Variants in ST6GAL1 observed in about 807,000 individuals in gnomAD.
ST6GAL1 encodes ST6 beta-galactoside alpha-2,6-sialyltransferase 1.
A neutral mutation model predicts 38.0 loss-of-function variants in ST6GAL1; 20 were observed. The ratio of observed to expected loss-of-function variants is 0.53; its 90% CI spans 0.37 to 0.77. The LOEUF is 0.77. Ranked by LOEUF, ST6GAL1 falls within the 30% of genes least tolerant of loss-of-function variation. The pLI, the probability that ST6GAL1 is intolerant of heterozygous loss-of-function variation, is 0.00. For missense variants in ST6GAL1, 432 were observed against 496.4 expected (o/e 0.87, Z 1.23); for synonymous variants, 196 against 188.2 (o/e 1.04, Z -0.34).
At chr3:187,038,627 G>GT (rs1718021252) in intron 2 of ST6GAL1, 115 bp from the exon 3 acceptor site, 1 of 152,202 alleles carries the variant, frequency 6.6e-6, no homozygotes, top group African/African-American at 2.4e-5. Context: ...CCTGGATTGA[G>GT]ACCTAGCCTA....
chr3:187,040,003 T>C (rs552981052), intron 3 of ST6GAL1, among the ~76,000 whole-genome samples: 4 of 152,066 alleles, frequency 2.6e-5, no homozygotes, highest in Admixed American at 1.3e-4. Flanking sequence ...CCTTGGAGAG[T>C]AGGTACTGGG....
intron 1 of ST6GAL1, among the ~76,000 whole-genome samples, chr3:186,957,978 T>G (rs891721313): frequency 6.6e-6 from 1 of 152,106 alleles, no homozygotes; most frequent in African/African-American, 2.4e-5. Flanking sequence ...GGATCTTCCT[T>G]TAAGCACAGA....
At chr3:186,956,646 C>T (rs997717713) in intron 1 of ST6GAL1, among the ~76,000 whole-genome samples, 2 of 152,194 alleles carry the variant, frequency 1.3e-5, no homozygotes, top group Admixed American at 1.3e-4. Flanking sequence ...AGTCTTTCTG[C>T]ATAAACTTAA....
At chr3:187,019,192 A>G (rs554363146) in intron 2 of ST6GAL1, among the ~76,000 whole-genome samples, 1 of 152,342 alleles carries the variant, frequency 6.6e-6, no homozygotes, top group African/African-American at 2.4e-5. Context: ...ATGTGAAAGA[A>G]TTTAGGACCT....
At chr3:186,965,940 G>T (rs548003590) in intron 2 of ST6GAL1, among the ~76,000 whole-genome samples, 1 of 152,038 alleles carries the variant, frequency 6.6e-6, no homozygotes, top group Admixed American at 6.6e-5. Flanking sequence ...GCTCTGTTGC[G>T]CAGGCTGCAG....
intron 2 of ST6GAL1, among the ~76,000 whole-genome samples, chr3:186,966,225 T>G (rs1426026890): frequency 6.6e-6 from 1 of 152,178 alleles, no homozygotes; most frequent in African/African-American, 2.4e-5. Context: ...TCTGAGAATC[T>G]TTAGATCTAT....
chr3:186,990,073 G>A (rs1178957236), intron 2 of ST6GAL1, among the ~76,000 whole-genome samples: 3 of 152,216 alleles, frequency 2.0e-5, no homozygotes, highest in Non-Finnish European at 2.9e-5. Flanking sequence ...TTGCTCTGTC[G>A]CCCTGGCTGG....
intron 4 of ST6GAL1, chr3:187,043,696 TTAAATA>T (rs573836420): frequency 2.3e-3 from 356 of 154,940 alleles, no homozygotes; most frequent in Non-Finnish European, 4.0e-3. Flanking sequence ...TTCATCTGTT[TTAAATA>T]TTGGAATTGT....
At chr3:186,935,519 A>G (rs1713919400) in intron 1 of ST6GAL1, among the ~76,000 whole-genome samples, 1 of 152,214 alleles carries the variant, frequency 6.6e-6, no homozygotes, top group Non-Finnish European at 1.5e-5. Flanking sequence ...GTATTTACTC[A>G]GTAATGGGAT....
Position 187,075,976 on chromosome 3 carries a change from C to A in ST6GAL1, c.*173C>A. 1.0e-6 allele frequency: 1 copy of A among 971,620 alleles called. No homozygotes were observed. The highest frequency in any genetic ancestry group is 1.5e-6 in the Non-Finnish European group (1 of 677,558). The allele number at this position is 971,620 out of a possible 1,614,324, so 60.2% of individuals were successfully genotyped here. A position where few individuals can be genotyped will look rare whatever the true frequency, so the allele number is the denominator to read the frequency against. ...CCTGTGGTCAGGAAATCAGGTCCAG[C>A]CTTCCCTGTAGCCAGACAGTTTATG... On this transcript the variant is annotated 3_prime_UTR_variant, in exon 8 of 8. Transcript: ENST00000169298. The surrounding 1 kb of genome is among the most constrained non-coding windows in gnomAD (Gnocchi z 4.1).
chr3:186,969,570 G>A (rs1330914128), intron 2 of ST6GAL1, among the ~76,000 whole-genome samples: 2 of 152,200 alleles, frequency 1.3e-5, no homozygotes, highest in Non-Finnish European at 1.5e-5. Context: ...ATATTCTACA[G>A]ATAAGTCCTT....
Position 187,074,196 on chromosome 3 carries a change from A to G in ST6GAL1, c.842A>G (p.Tyr281Cys). The change falls in exon 7 of 8, where the codon TAC becomes TGC. Residue 281 changes from tyrosine (Y) to cysteine (C), a missense_variant. Transcript: ENST00000169298. ...QNPDYNFFNN[Y>C]KTYRKLHPNQ... ...CCGGATTATAATTTCTTTAACAACT[A>G]CAAGACTTATCGTAAGCTGCACCCC... The G allele has an allele frequency of 6.2e-7, 1 of 1,612,016 alleles. No individual in the cohort carries two copies. Among genetic ancestry groups the G allele is most frequent in the Non-Finnish European group, 8.5e-7 (1 of 1,179,186 alleles).
At chr3:186,993,909 C>A (rs895295665) in intron 2 of ST6GAL1, among the ~76,000 whole-genome samples, 28 of 152,200 alleles carry the variant, frequency 1.8e-4, no homozygotes, top group African/African-American at 6.7e-4. Flanking sequence ...TGATAATAAT[C>A]ATCATCATAA....
intron 2 of ST6GAL1, among the ~76,000 whole-genome samples, chr3:187,027,945 G>A (rs1017282268): frequency 2.0e-5 from 3 of 152,200 alleles, no homozygotes; most frequent in Admixed American, 1.3e-4. Flanking sequence ...TCAAGGAAGA[G>A]GAAGTTATGG....
chr3:187,051,994 C>T (rs1296190448), intron 5 of ST6GAL1, among the ~76,000 whole-genome samples: 1 of 152,134 alleles, frequency 6.6e-6, no homozygotes, highest in Non-Finnish European at 1.5e-5. Context: ...AGGGCTGCAA[C>T]CTGCCCATCT....
intron 2 of ST6GAL1, among the ~76,000 whole-genome samples, chr3:187,012,228 C>G (rs1716977504): frequency 6.6e-6 from 1 of 152,086 alleles, no homozygotes; most frequent in East Asian, 1.9e-4. Context: ...AGCGGGAGTG[C>G]TTTGTCTGTA....
intron 2 of ST6GAL1, among the ~76,000 whole-genome samples, chr3:186,991,662 C>T (rs1035574612): frequency 1.3e-5 from 2 of 152,142 alleles, no homozygotes; most frequent in East Asian, 1.9e-4. Context: ...GTTCCTGTGG[C>T]GTGGGTTCCT....
At position 187,043,024 on chromosome 3, in the gene ST6GAL1, T is replaced by A; in HGVS notation, c.321T>A (p.Pro107=). 4.3e-6 allele frequency: 7 copies of A among 1,614,120 alleles called. No homozygotes were observed. The highest frequency in any genetic ancestry group is 5.9e-6 in the Non-Finnish European group (7 of 1,180,020). Residue 107 remains proline, a synonymous_variant, in exon 4 of 8, where the codon CCT becomes CCA. Transcript: ENST00000169298. ...ACAGCTCTTCCAAAAACCTTATCCC[T>A]AGGCTGCAAAAGATCTGGAAGAATT... is the stretch of plus-strand genomic sequence containing the variant. ...NKDSSSKNLI[P]RLQKIWKNYL...
intron 2 of ST6GAL1, chr3:187,024,766 G>C (rs1187255940): frequency 6.6e-6 from 1 of 152,014 alleles, no homozygotes; most frequent in Non-Finnish European, 1.5e-5. Flanking sequence ...AGGGAGCGAG[G>C]AACTCTTCTA....
Sources: allele counts gnomAD v4.1 joint callset (sites outside exome capture counted in the v4.1 genomes callset), GRCh38; gene constraint gnomAD v4.1.1; non-coding constraint Gnocchi (gnomAD v3.1); transcripts MANE v1.5; gene names NCBI Gene and HGNC (gene_info 2026-07-23, HGNC 2026-07-21).